Variants in MDN1 observed in about 807,000 individuals in gnomAD.
MDN1 encodes the protein midasin.
Under a neutral mutation model 669.2 loss-of-function variants are expected in MDN1, and 266 were observed. That is an observed-to-expected ratio of 0.40 (90% confidence interval 0.36 to 0.44). MDN1 has a LOEUF of 0.44. MDN1 is among the 20% of genes least tolerant of loss of function. MDN1 has a pLI of 1.00. For missense variants in MDN1, 5,940 were observed against 6,754.0 expected (o/e 0.88, Z 4.22); for synonymous variants, 2,385 against 2,457.1 (o/e 0.97, Z 0.87).
chr6:89,674,499 C>T lies in MDN1; in HGVS notation c.12852G>A (p.Gln4284=), dbSNP rs528803407. ...PVAFPPQDGV[Q]QWTERLQHLA... The stretch of plus-strand genomic sequence containing the variant: ...GGTGCTGCAGGCGCTCTGTCCACTG[C>T]TGCACGCCATCCTGAGGGGGGAAGG... Residue 4284 remains glutamine, a synonymous_variant, in exon 79 of 102, where the codon CAG becomes CAA. Coordinates refer to ENST00000369393, the MANE Select transcript of MDN1 (RefSeq NM_014611.3). 1.9e-6 allele frequency: 3 copies of T among 1,611,858 alleles called. No homozygotes were observed. The highest frequency in any genetic ancestry group is 2.2e-5 in the East Asian group (1 of 44,882).
At position 89,728,955 on chromosome 6, in the gene MDN1, A is replaced by T; in HGVS notation, c.5325T>A (p.Val1775=). 1 of 1,614,096 alleles carries T rather than the reference A, an allele frequency of 6.2e-7. No individual in the cohort carries two copies. Among genetic ancestry groups the T allele is most frequent in the African/African-American group, 1.3e-5 (1 of 75,060 alleles). ...ALAKASGNTL[V]RINLSEQTDI... The stretch of plus-strand genomic sequence containing the variant: ...CCGTTTGCTCTGATAAGTTGATTCT[A>T]ACAAGGGTATTTCCTGAAGCCTTTG... Residue 1775 remains valine, a synonymous_variant, in exon 36 of 102, where the codon GTT becomes GTA. Transcript: ENST00000369393.
At chr6:89,786,986 G>A (rs1818996765) in intron 8 of MDN1, among the ~76,000 whole-genome samples, 1 of 149,532 alleles carries the variant, frequency 6.7e-6, no homozygotes, top group Non-Finnish European at 1.5e-5. Flanking sequence ...TGTGCCTGTA[G>A]TCTCAGCTAC....
intron 10 of MDN1, 88 bp from the exon 11 acceptor site, chr6:89,780,381 G>T: frequency 1.4e-6 from 1 of 725,558 alleles, no homozygotes; most frequent in Non-Finnish European, 2.2e-6. Flanking sequence ...ACCCACTTAA[G>T]TCTGGGCATA....
At chr6:89,698,639 G>T (rs1812938632) in intron 59 of MDN1, among the ~76,000 whole-genome samples, 1 of 152,070 alleles carries the variant, frequency 6.6e-6, no homozygotes, top group African/African-American at 2.4e-5. Flanking sequence ...AGAAAAAATA[G>T]ACTTTTTCAA....
intron 43 of MDN1, 44 bp downstream of exon 43, chr6:89,718,322 T>C (rs1400540391): frequency 4.5e-6 from 7 of 1,566,972 alleles, no homozygotes; most frequent in South Asian, 1.1e-5. Flanking sequence ...GGACACAATA[T>C]AAGCAATGGT....
Position 89,706,105 on chromosome 6 carries a change from C to A in MDN1, c.8102G>T (p.Trp2701Leu). 1 of 1,612,460 alleles carries A rather than the reference C, an allele frequency of 6.2e-7. No homozygotes were observed. Among genetic ancestry groups the A allele is most frequent in the Non-Finnish European group, 8.5e-7 (1 of 1,178,932 alleles). Residue 2701 changes from tryptophan to leucine, a missense_variant, in exon 53 of 102, where the codon TGG (tryptophan) becomes TTG (leucine). Physicochemically the swap from Trp to Leu is moderately conservative, Grantham distance 61. Coordinates refer to ENST00000369393, the MANE Select transcript of MDN1 (RefSeq NM_014611.3). ...CACCATTCCCTGGGAGGACTGTACC[C>A]AGAGCAGGACTAGTGCATCACAAAG... ...FELCDALVLLWVQSSQGMVSD... is the reference protein window; with the variant it reads ...FELCDALVLLLVQSSQGMVSD...
At chr6:89,677,529 C>T in intron 76 of MDN1, 41 bp downstream of exon 76, 1 of 1,608,780 alleles carries the variant, frequency 6.2e-7, no homozygotes, top group Non-Finnish European at 8.5e-7. Flanking sequence ...TTACTTGCTC[C>T]ATTTATAAGT....
intron 8 of MDN1, among the ~76,000 whole-genome samples, chr6:89,786,494 C>A (rs1049431407): frequency 1.3e-5 from 2 of 151,950 alleles, no homozygotes; most frequent in South Asian, 4.2e-4. Context: ...GTAGTCCTAG[C>A]TACTCAAGAG....
At chr6:89,675,244 T>C (rs544598242) in intron 78 of MDN1, among the ~76,000 whole-genome samples, 1 of 152,296 alleles carries the variant, frequency 6.6e-6, no homozygotes, top group African/African-American at 2.4e-5. Context: ...CAGCTCCATA[T>C]TCTCAGGAGG....
chr6:89,657,933 A>G (rs1809440198), intron 90 of MDN1, among the ~76,000 whole-genome samples: 1 of 152,230 alleles, frequency 6.6e-6, no homozygotes, highest in African/African-American at 2.4e-5. Flanking sequence ...AATTGGCTCT[A>G]CCATTGAGGT....
chr6:89,712,375 T>C, intron 48 of MDN1, 119 bp from the exon 49 acceptor site: 1 of 1,069,020 alleles, frequency 9.4e-7, no homozygotes, highest in Non-Finnish European at 1.4e-6. Context: ...AAAAGGAGAG[T>C]CTCCCACAGA....
rs930021045 is a variant in MDN1, at chr6:89,730,876, A to G, written c.4990T>C (p.Cys1664Arg). 6.2e-7 allele frequency: 1 copy of G among 1,613,958 alleles called. No homozygotes were observed. The highest frequency in any genetic ancestry group is 8.5e-7 in the Non-Finnish European group (1 of 1,179,998). Residue 1664 changes from cysteine (C) to arginine (R), a missense_variant, in exon 35 of 102, where the codon TGT becomes CGT. This residue lies in a region of MDN1 where 2,292 missense variants were observed against 2,638.3 expected (regional missense o/e 0.87). Transcript: ENST00000369393. ...FGTALLARKE[C>R]LKFLIKRLAK... is the part of the protein sequence containing the mutation. ...AGCCTCTTGATTAGAAATTTCAGAC[A>G]TTCTTTTCGTGCCAAAAGGGCTGTA...
chr6:89,672,639 C>A lies in MDN1; in HGVS notation c.13538G>T (p.Arg4513Leu). ...DFSEQMEIAI[R>L]AILCAIQNLE... ...GTTCTGGATGGCACAGAGGATGGCT[C>A]GGATGGCAATTTCCATTTGCTCTGA... is the stretch of plus-strand genomic sequence containing the variant. The change falls in exon 81 of 102, where the codon CGA (arginine) becomes CTA (leucine). Residue 4513 changes from arginine to leucine, a missense_variant. Around this residue, in one of 5 missense-constraint regions of MDN1, gnomAD observed 2,280 missense variants for 2,576.3 expected, o/e 0.88. Coordinates refer to ENST00000369393, the MANE Select transcript of MDN1 (RefSeq NM_014611.3). The A allele has an allele frequency of 6.2e-7, 1 of 1,614,070 alleles. No homozygotes were observed. Among genetic ancestry groups the A allele is most frequent in the Non-Finnish European group, 8.5e-7 (1 of 1,180,012 alleles).
chr6:89,743,818 C>T (rs1816423538), intron 29 of MDN1, 104 bp from the exon 30 acceptor site: 3 of 1,274,318 alleles, frequency 2.4e-6, no homozygotes, highest in Non-Finnish European at 3.3e-6. Context: ...AGTCTCACTG[C>T]AGCAGTAAAC....
chr6:89,780,386 G>T, intron 10 of MDN1, 93 bp from the exon 11 acceptor site: 1 of 636,166 alleles, frequency 1.6e-6, no homozygotes, highest in South Asian at 3.3e-5. Flanking sequence ...CTTAAGTCTG[G>T]GCATACCTGA....
Position 89,648,118 on chromosome 6 carries a change from G to C in MDN1, c.16309C>G (p.Pro5437Ala), listed in dbSNP as rs1421663732. ...TAATCACTGAACTGCTCATGAAATG[G>C]GTGTAACAGCTTTACAGATTCTCCA... Reference protein sequence around the residue: ...SFGESVKLLHPFHEQFSDYSG... With the variant: ...SFGESVKLLHAFHEQFSDYSG... The change falls in exon 99 of 102, where the codon CCA becomes GCA. Residue 5437 changes from proline to alanine, a missense_variant. Coordinates refer to ENST00000369393, the MANE Select transcript of MDN1 (RefSeq NM_014611.3). 1 of 1,613,964 alleles carries C rather than the reference G, an allele frequency of 6.2e-7. No individual in the cohort carries two copies. The highest frequency in any genetic ancestry group is 2.2e-5 in the East Asian group (1 of 44,876).
chr6:89,718,916 T>C lies in MDN1; in HGVS notation c.6172A>G (p.Met2058Val). ...CCGACCAGGATGACCATCCAGCTCA[T>C]CTGCACACACTTCATGATTGACTCC... ...PLESIMKCVQ[M>V]SWMVILVGPA... Residue 2058 changes from methionine to valine, a missense_variant, in exon 42 of 102, where the codon ATG (methionine) becomes GTG (valine). Met to Val is a conservative substitution (Grantham distance 21). Transcript: ENST00000369393. 6.2e-7 allele frequency: 1 copy of C among 1,614,138 alleles called. No individual in the cohort carries two copies. Among genetic ancestry groups the C allele is most frequent in the African/African-American group, 1.3e-5 (1 of 75,038 alleles).
At chr6:89,740,700 T>C (rs980480066) in intron 31 of MDN1, among the ~76,000 whole-genome samples, 1 of 152,210 alleles carries the variant, frequency 6.6e-6, no homozygotes, top group Admixed American at 6.5e-5. Flanking sequence ...TCAAATATCA[T>C]TGACTGGTGA....
intron 2 of MDN1, among the ~76,000 whole-genome samples, chr6:89,796,593 T>C (rs1207981871): frequency 6.6e-6 from 1 of 152,096 alleles, no homozygotes. Context: ...GGCTCATCAA[T>C]GTTAACAAAT....
Sources: gnomAD v4.1 joint callset for allele counts (sites outside exome capture counted in the v4.1 genomes callset) on GRCh38, gnomAD v4.1.1 for gene constraint, gnomAD v4.1.1 regional missense constraint, MANE v1.5 for transcripts, NCBI Gene and HGNC (gene_info 2026-07-23, HGNC 2026-07-21) for gene names.